CSMD1: variants seen among roughly 807,000 people sequenced by gnomAD.
CSMD1 encodes the protein CUB and Sushi multiple domains 1, also known as CUB and sushi domain-containing protein 1.
A neutral mutation model predicts 417.5 loss-of-function variants in CSMD1; 213 were observed. That is an observed-to-expected ratio of 0.51 (90% CI 0.46 to 0.57). The LOEUF (loss-of-function observed/expected upper bound fraction) is 0.57. Among genes scored for constraint, CSMD1 ranks in the 20% least tolerant of loss-of-function variants. The probability of loss-of-function intolerance (pLI) is 0.00; values close to 1 mark genes in which losing one functional copy is unlikely to be tolerated. For synonymous variants in CSMD1, 2,862 were observed against 1,736.8 expected, an observed-to-expected ratio of 1.65 and a Z score of -16.11; for missense variants, 6,923 against 4,529.7, an observed-to-expected ratio of 1.53 and a Z score of -15.17.
At chr8:3,627,472 T>C (rs1796551381) in intron 7 of CSMD1, among the ~76,000 whole-genome samples, 1 of 152,192 alleles carries the variant, frequency 6.6e-6, no homozygotes, top group Non-Finnish European at 1.5e-5. Flanking sequence ...TTATTTAAAG[T>C]CGTGCTATTA....
intron 49 of CSMD1, among the ~76,000 whole-genome samples, chr8:3,078,018 T>C (rs903305051): frequency 3.1e-4 from 47 of 152,378 alleles, no homozygotes; most frequent in African/African-American, 1.1e-3. Flanking sequence ...CTTTGTTTGC[T>C]TTGTGAAATA....
intron 1 of CSMD1, among the ~76,000 whole-genome samples, chr8:4,854,242 A>G (rs768307391): frequency 3.3e-5 from 5 of 152,288 alleles, no homozygotes; most frequent in South Asian, 2.1e-4. Flanking sequence ...TTTGCTCTCT[A>G]TAAGTCTTAT....
rs76138303 is a variant in CSMD1 at position 4,529,733 on chromosome 8, A to C, written c.302+107609T>G. ...GCAATCCTACTATGGGGTTCTTACA[A>C]ATTTTTCAGACTATAAAGCGGTCCT... is the stretch of plus-strand genomic sequence containing the variant. On this transcript the variant is annotated intron_variant, in intron 2 of 69. Coordinates refer to ENST00000635120, the MANE Select transcript of CSMD1 (RefSeq NM_033225.6). Among the ~76,000 whole-genome samples, 1,159 of 152,164 alleles carry C rather than the reference A, an allele frequency of 7.6e-3. 23 individuals carry two copies. Among genetic ancestry groups the C allele is most frequent in the African/African-American group, 0.027 (1,105 of 41,540 alleles).
intron 23 of CSMD1, among the ~76,000 whole-genome samples, chr8:3,336,502 T>G (rs1321777927): frequency 6.6e-6 from 1 of 152,244 alleles, no homozygotes. Flanking sequence ...TTATTGTCCC[T>G]GCTTCACAGA....
intron 5 of CSMD1, among the ~76,000 whole-genome samples, chr8:3,766,875 T>C (rs184634919): frequency 3.3e-5 from 5 of 152,316 alleles, no homozygotes; most frequent in Admixed American, 1.3e-4. Flanking sequence ...AAATTTCTTA[T>C]ATCACTTGAT....
chr8:3,251,444 T>C (rs113311074), intron 26 of CSMD1, among the ~76,000 whole-genome samples: 24,764 of 151,904 alleles, frequency 0.16, 2,081 homozygotes, highest in East Asian at 0.28. Flanking sequence ...GGTACCAGTA[T>C]CATGCTGTTT....
intron 12 of CSMD1, among the ~76,000 whole-genome samples, chr8:3,450,582 G>C (rs923293042): frequency 6.9e-5 from 10 of 145,978 alleles, no homozygotes; most frequent in South Asian, 2.2e-4. Context: ...TTTTGTCTTT[G>C]TGATAGTTTC....
chr8:4,699,529 T>G (rs1169256920), intron 1 of CSMD1, among the ~76,000 whole-genome samples: 1 of 152,206 alleles, frequency 6.6e-6, no homozygotes, highest in Non-Finnish European at 1.5e-5. Flanking sequence ...GCTTATGTTC[T>G]TTTCTGTCTT....
At chr8:4,104,095 C>G (rs1801442291) in intron 3 of CSMD1, among the ~76,000 whole-genome samples, 1 of 152,192 alleles carries the variant, frequency 6.6e-6, no homozygotes, top group Admixed American at 6.5e-5. Flanking sequence ...CACAAATGAT[C>G]AAGATTGACC....
At chr8:3,379,568 G>C (rs1201452245) in intron 18 of CSMD1, among the ~76,000 whole-genome samples, 3 of 152,152 alleles carry the variant, frequency 2.0e-5, no homozygotes, top group Non-Finnish European at 4.4e-5. Context: ...CAATGGAACA[G>C]AACAGAGGTC....
At chr8:3,284,110 T>C (rs569705017) in intron 26 of CSMD1, 34 bp downstream of exon 26, 6 of 1,484,320 alleles carry the variant, frequency 4.0e-6, no homozygotes, top group Middle Eastern at 1.7e-4. Context: ...GACTTTGATA[T>C]CAAGGTAAAG....
chr8:4,264,064 T>G (rs1482175268), intron 3 of CSMD1, among the ~76,000 whole-genome samples: 1 of 152,164 alleles, frequency 6.6e-6, no homozygotes, highest in Non-Finnish European at 1.5e-5. Context: ...TACCTGAGCC[T>G]CATCTATAAA....
At chr8:3,456,144 G>C (rs577283349) in intron 12 of CSMD1, among the ~76,000 whole-genome samples, 5 of 152,318 alleles carry the variant, frequency 3.3e-5, no homozygotes, top group Non-Finnish European at 4.4e-5. Flanking sequence ...TGTGCCATTT[G>C]CTAAGACCTT....
intron 10 of CSMD1, among the ~76,000 whole-genome samples, chr8:3,520,683 G>C (rs1324373761): frequency 6.6e-6 from 1 of 151,854 alleles, no homozygotes; most frequent in Non-Finnish European, 1.5e-5. Context: ...GTTTCTTTAA[G>C]TCTGTTTTTC....
At chr8:4,906,484 T>C (rs1805284624) in intron 1 of CSMD1, among the ~76,000 whole-genome samples, 1 of 140,576 alleles carries the variant, frequency 7.1e-6, no homozygotes. Flanking sequence ...ATACATCCTC[T>C]TACATGATTT....
intron 6 of CSMD1, among the ~76,000 whole-genome samples, chr8:3,719,895 G>A (rs779239607): frequency 1.4e-4 from 22 of 152,126 alleles, no homozygotes; most frequent in Non-Finnish European, 2.9e-4. Context: ...CATTAGAGAT[G>A]TCACCTTGCC....
intron 1 of CSMD1, among the ~76,000 whole-genome samples, chr8:4,852,656 G>C (rs1002873695): frequency 1.3e-5 from 2 of 152,190 alleles, no homozygotes; most frequent in Non-Finnish European, 2.9e-5. Context: ...GTAATGGGTA[G>C]AGATTGGAAG....
chr8:4,213,589 G>C (rs750956075), intron 3 of CSMD1, among the ~76,000 whole-genome samples: 2 of 152,232 alleles, frequency 1.3e-5, no homozygotes, highest in Non-Finnish European at 2.9e-5. Context: ...CAACGTGAAA[G>C]AAAAATCAAA....
At chr8:3,966,578 T>C (rs1468818317) in intron 5 of CSMD1, among the ~76,000 whole-genome samples, 3 of 152,288 alleles carry the variant, frequency 2.0e-5, no homozygotes, top group African/African-American at 4.8e-5. Context: ...TCTGTAAACA[T>C]TGGTTTGCAG....
Sources: allele counts gnomAD v4.1 joint callset (sites outside exome capture counted in the v4.1 genomes callset), GRCh38; gene constraint gnomAD v4.1.1; transcripts MANE v1.5; gene names NCBI Gene and HGNC (gene_info 2026-07-23, HGNC 2026-07-21).